RUNDC3B: variants seen among roughly 807,000 people sequenced by gnomAD.
RUNDC3B encodes RUN domain-containing protein 3B.
RUNDC3B carries 33 observed loss-of-function variants against 58.4 expected under a neutral mutation model. The ratio of observed to expected loss-of-function variants is 0.56; its 90% CI spans 0.43 to 0.75. RUNDC3B has a LOEUF of 0.75. RUNDC3B is among the 30% of genes least tolerant of loss of function. The pLI is 0.00. For synonymous variants in RUNDC3B, 193 were observed against 195.2 expected, an observed-to-expected ratio of 0.99 and a Z score of 0.10; for missense variants, 501 against 535.7, an observed-to-expected ratio of 0.94 and a Z score of 0.64.
In RUNDC3B at chr7:87,697,256, C is replaced by T. The variant is rs544055733; in HGVS notation, c.239-3165C>T. Among the ~76,000 whole-genome samples, 4 of 152,218 alleles carry T rather than the reference C, an allele frequency of 2.6e-5. No individual in the cohort carries two copies. In the South Asian group the frequency reaches 6.2e-4, roughly 24 times the overall value. On this transcript the variant is annotated intron_variant, in intron 2 of 10. Coordinates refer to ENST00000394654, the MANE Select transcript of RUNDC3B (RefSeq NM_001134405.2). ...TGGCTAATACAATGTTGTATTTTCC[C>T]TTGCCTATTTCTCTGACTTCTGTTT...
intron 9 of RUNDC3B, among the ~76,000 whole-genome samples, chr7:87,811,045 T>G (rs1836687512): frequency 6.6e-6 from 1 of 152,206 alleles, no homozygotes; most frequent in Non-Finnish European, 1.5e-5. Flanking sequence ...TTGTTTCCAG[T>G]AAGTTCTGTT....
At chr7:87,630,482 A>T (rs759639099) in intron 1 of RUNDC3B, among the ~76,000 whole-genome samples, 27 of 152,182 alleles carry the variant, frequency 1.8e-4, no homozygotes, top group Non-Finnish European at 4.4e-5. Flanking sequence ...TTTAAAATAT[A>T]GGTAAATATC....
intron 2 of RUNDC3B, among the ~76,000 whole-genome samples, chr7:87,683,043 C>G (rs1176075061): frequency 6.6e-6 from 1 of 152,178 alleles, no homozygotes; most frequent in African/African-American, 2.4e-5. Flanking sequence ...GCTGCTTCAC[C>G]TTTTTGTTTT....
At chr7:87,632,708 G>A (rs1206388505) in intron 1 of RUNDC3B, among the ~76,000 whole-genome samples, 1 of 151,850 alleles carries the variant, frequency 6.6e-6, no homozygotes, top group Non-Finnish European at 1.5e-5. Context: ...CATTTTTTCT[G>A]TCCTTTATAA....
At chr7:87,657,589 C>G (rs976920617) in intron 2 of RUNDC3B, among the ~76,000 whole-genome samples, 5 of 152,152 alleles carry the variant, frequency 3.3e-5, no homozygotes, top group African/African-American at 9.7e-5. Context: ...CCCAACACCC[C>G]CCTTCCCACA....
At chr7:87,782,876 A>C (rs1835009639) in intron 8 of RUNDC3B, among the ~76,000 whole-genome samples, 1 of 152,230 alleles carries the variant, frequency 6.6e-6, no homozygotes, top group South Asian at 2.1e-4. Flanking sequence ...GACTTGCTTT[A>C]TGGCCAAGCA....
At position 87,832,137 on chromosome 7, in the gene RUNDC3B, T is replaced by C. The variant is rs1563243593; in HGVS notation, c.*2107T>C. 1 of 151,988 alleles carries C rather than the reference T, an allele frequency of 6.6e-6. No individual in the cohort carries two copies. Among genetic ancestry groups the C allele is most frequent in the East Asian group, 1.9e-4 (1 of 5,202 alleles). The allele number at this position is 151,988 out of a possible 1,614,324, so 9.4% of individuals were successfully genotyped here. A position where few individuals can be genotyped will look rare whatever the true frequency, so the allele number is the denominator to read the frequency against. On this transcript the variant is annotated 3_prime_UTR_variant, in exon 11 of 11. Coordinates refer to ENST00000394654, the MANE Select transcript of RUNDC3B (RefSeq NM_001134405.2). The stretch of plus-strand genomic sequence containing the variant: ...TGTTACTGTTTGCATGAGGAAACCA[T>C]GTATGTCTCAATCTTTAATTTTAGG...
chr7:87,793,661 A>T (rs943050157), intron 8 of RUNDC3B, among the ~76,000 whole-genome samples: 8 of 152,052 alleles, frequency 5.3e-5, no homozygotes, highest in African/African-American at 1.9e-4. Flanking sequence ...CAAAAAACTG[A>T]GTTTTTTTTG....
chr7:87,647,490 C>T (rs1823127822), intron 1 of RUNDC3B, among the ~76,000 whole-genome samples: 1 of 152,126 alleles, frequency 6.6e-6, no homozygotes, highest in Non-Finnish European at 1.5e-5. Context: ...AACATTGCTA[C>T]ATTTTTCTTT....
rs1838145182 is a variant in RUNDC3B at position 87,831,897 on chromosome 7, A to G, written c.*1867A>G. 2.6e-5 allele frequency: 4 copies of G among 152,014 alleles called. No individual in the cohort carries two copies. Among genetic ancestry groups the G allele is most frequent in the Admixed American group, 6.6e-5 (1 of 15,214 alleles). 9.4% of individuals were successfully genotyped at this position (152,014 alleles called of 1,614,324 possible). A position where few individuals can be genotyped will look rare whatever the true frequency, so the allele number is the denominator to read the frequency against. ...AAACAATGGTTTTACATACATTTTT[A>G]TAATGTAGAAGGAAATTCAAGATTC... On this transcript the variant is annotated 3_prime_UTR_variant, in exon 11 of 11. Coordinates refer to ENST00000394654, the MANE Select transcript of RUNDC3B (RefSeq NM_001134405.2).
rs150544975 is a variant in RUNDC3B, at chr7:87,770,455, A to G, written c.630-126A>G. 9.5e-4 allele frequency: 709 copies of G among 748,644 alleles called. 9 individuals are homozygous for G. The East Asian group carries it at 0.016, about 17-fold the overall frequency. The allele number at this position is 748,644 out of a possible 1,614,324, so 46.4% of individuals were successfully genotyped here. A position where few individuals can be genotyped will look rare whatever the true frequency, so the allele number is the denominator to read the frequency against. Reference sequence around the variant, plus strand: ...AGGAAGCTTAAATCTTTATAATATCATTATAATTTTGTATTTAGTACTAAA... The same window carrying G: ...AGGAAGCTTAAATCTTTATAATATCGTTATAATTTTGTATTTAGTACTAAA... On this transcript the variant is annotated intron_variant, in intron 6 of 10. Coordinates refer to ENST00000394654, the MANE Select transcript of RUNDC3B (RefSeq NM_001134405.2).
At chr7:87,644,111 G>A (rs1011916243) in intron 1 of RUNDC3B, among the ~76,000 whole-genome samples, 1 of 150,886 alleles carries the variant, frequency 6.6e-6, no homozygotes, top group Non-Finnish European at 1.5e-5. Flanking sequence ...CACCCGCCTT[G>A]GCCTCCCAAA....
Position 87,683,916 on chromosome 7 carries a change from A to G in RUNDC3B, c.239-16505A>G, listed in dbSNP as rs1036494352. Among the ~76,000 whole-genome samples the G allele has an allele frequency of 2.6e-5, 4 of 152,240 alleles. No homozygotes were observed. In the East Asian group the frequency reaches 7.7e-4, roughly 29 times the overall value. Reference sequence around the variant, plus strand: ...AAGAAATGACTGTACATACCAGTACACCTCATGGACACAGACATCAGAATC... The same window carrying G: ...AAGAAATGACTGTACATACCAGTACGCCTCATGGACACAGACATCAGAATC... On this transcript the variant is annotated intron_variant, in intron 2 of 10. Coordinates refer to ENST00000394654, the MANE Select transcript of RUNDC3B (RefSeq NM_001134405.2).
intron 2 of RUNDC3B, among the ~76,000 whole-genome samples, chr7:87,664,485 G>A (rs887536803): frequency 6.8e-4 from 103 of 152,252 alleles, no homozygotes; most frequent in African/African-American, 2.4e-3. Context: ...CATCAAAGCA[G>A]CCATTATAAC....
chr7:87,645,919 G>A (rs1214523873), intron 1 of RUNDC3B, among the ~76,000 whole-genome samples: 1 of 152,144 alleles, frequency 6.6e-6, no homozygotes, highest in Non-Finnish European at 1.5e-5. Context: ...AGCAGGATAT[G>A]AATGATGAAG....
rs565304916 is a variant in RUNDC3B, at chr7:87,677,212, G to A, written c.239-23209G>A. Among the ~76,000 whole-genome samples the A allele has an allele frequency of 7.4e-5, 11 of 148,694 alleles. No individual in the cohort carries two copies. The East Asian group carries it at 2.2e-3, about 30-fold the overall frequency. ...TTGCAGGATTTTTAACAGTAGCCAA[G>A]ATATTAAGACAACCTAAGTAGCTGT... is the stretch of plus-strand genomic sequence containing the variant. On this transcript the variant is annotated intron_variant, in intron 2 of 10. Transcript: ENST00000394654.
chr7:87,717,513 G>T (rs1480227256), intron 4 of RUNDC3B, among the ~76,000 whole-genome samples: 1 of 151,982 alleles, frequency 6.6e-6, no homozygotes, highest in Non-Finnish European at 1.5e-5. Flanking sequence ...GGACAAGGAG[G>T]AAGTAACCAT....
chr7:87,639,313 G>A (rs1308622927), intron 1 of RUNDC3B, among the ~76,000 whole-genome samples: 1 of 152,200 alleles, frequency 6.6e-6, no homozygotes, highest in Non-Finnish European at 1.5e-5. Context: ...TTATGATGCA[G>A]TATATGGTTA....
chr7:87,790,635 A>T (rs1339798084), intron 8 of RUNDC3B, among the ~76,000 whole-genome samples: 2 of 152,088 alleles, frequency 1.3e-5, no homozygotes, highest in Non-Finnish European at 2.9e-5. Context: ...TTTAACAAAG[A>T]GATTGAAATA....
Sources: allele counts gnomAD v4.1 joint callset (sites outside exome capture counted in the v4.1 genomes callset), GRCh38; gene constraint gnomAD v4.1.1; transcripts MANE v1.5; gene names NCBI Gene and HGNC (gene_info 2026-07-23, HGNC 2026-07-21).